C8orf34: variants seen among roughly 807,000 people sequenced by gnomAD.
C8orf34 encodes uncharacterized protein C8orf34.
C8orf34 carries 65 observed loss-of-function variants against 68.3 expected under a neutral mutation model. That is an observed-to-expected ratio of 0.95 (90% confidence interval 0.78 to 1.17). The LOEUF (loss-of-function observed/expected upper bound fraction) is 1.17, where lower values mean the gene tolerates loss of function less well. C8orf34 is among the 50% of genes most tolerant of loss of function. C8orf34 has a pLI of 0.00. For missense variants in C8orf34, 664 were observed against 655.4 expected, an observed-to-expected ratio of 1.01 and a Z score of -0.14; for synonymous variants, 244 against 241.2, an observed-to-expected ratio of 1.01 and a Z score of -0.11.
intron 12 of C8orf34, among the ~76,000 whole-genome samples, chr8:68,810,194 A>T (rs1242845566): frequency 6.6e-6 from 1 of 152,148 alleles, no homozygotes; most frequent in African/African-American, 2.4e-5. Flanking sequence ...TGCCAAGGGC[A>T]AGCCAGGCAC....
chr8:68,482,313 A>G (rs949093640), intron 4 of C8orf34, among the ~76,000 whole-genome samples: 2 of 152,166 alleles, frequency 1.3e-5, no homozygotes, highest in African/African-American at 4.8e-5. Context: ...AGTTTCAGGT[A>G]TGTCTTTATC....
chr8:68,594,575 T>C (rs1241704484), intron 7 of C8orf34, among the ~76,000 whole-genome samples: 1 of 152,074 alleles, frequency 6.6e-6, no homozygotes, highest in East Asian at 1.9e-4. Context: ...CAATAGGTAG[T>C]TTTTCAACCC....
At chr8:68,785,467 CGTACTCCTATGG>C (rs1181628820) in intron 11 of C8orf34, among the ~76,000 whole-genome samples, 1 of 152,090 alleles carries the variant, frequency 6.6e-6, no homozygotes, top group African/African-American at 2.4e-5. Context: ...ATTGTTAACC[CGTACTCCTATGG>C]AAAGCAAGTT....
intron 5 of C8orf34, among the ~76,000 whole-genome samples, chr8:68,494,878 A>C (rs1324998388): frequency 6.6e-6 from 1 of 151,068 alleles, no homozygotes; most frequent in Middle Eastern, 3.2e-3. Flanking sequence ...TATTATATAT[A>C]TCTCAAAAAA....
At chr8:68,462,536 T>A (rs1339005510) in intron 3 of C8orf34, among the ~76,000 whole-genome samples, 1 of 151,640 alleles carries the variant, frequency 6.6e-6, no homozygotes, top group Non-Finnish European at 1.5e-5. Flanking sequence ...ACCACATAGT[T>A]GGAAGTAAAG....
intron 7 of C8orf34, among the ~76,000 whole-genome samples, chr8:68,611,639 T>C (rs911325161): frequency 2.0e-5 from 3 of 152,196 alleles, no homozygotes; most frequent in Non-Finnish European, 4.4e-5. Context: ...TCAAGTTTTA[T>C]AAGCTTTTAT....
At chr8:68,580,306 G>A (rs1018924881) in intron 7 of C8orf34, among the ~76,000 whole-genome samples, 1 of 152,072 alleles carries the variant, frequency 6.6e-6, no homozygotes, top group Non-Finnish European at 1.5e-5. Context: ...AGGGGCAGGG[G>A]TGAAGGAGAT....
At chr8:68,379,988 G>A (rs1807963342) in intron 1 of C8orf34, among the ~76,000 whole-genome samples, 1 of 152,144 alleles carries the variant, frequency 6.6e-6, no homozygotes, top group South Asian at 2.1e-4. Context: ...AAGTAGCTGG[G>A]ACTACAGGAG....
chr8:68,604,716 G>A (rs1188903035), intron 7 of C8orf34, among the ~76,000 whole-genome samples: 1 of 151,798 alleles, frequency 6.6e-6, no homozygotes, highest in Admixed American at 6.6e-5. Context: ...ATTCAAAATG[G>A]GTCAGAGACC....
chr8:68,519,937 GT>G, intron 5 of C8orf34, among the ~76,000 whole-genome samples: 1 of 152,160 alleles, frequency 6.6e-6, no homozygotes, highest in Non-Finnish European at 1.5e-5. Flanking sequence ...TGTCTTCACA[GT>G]CATCTGCTTT....
intron 1 of C8orf34, among the ~76,000 whole-genome samples, chr8:68,388,025 T>G (rs1241230180): frequency 6.6e-6 from 1 of 152,144 alleles, no homozygotes; most frequent in Non-Finnish European, 1.5e-5. Context: ...TGTGTTACAG[T>G]GGTTCTTGAT....
At chr8:68,807,252 A>G (rs1257547945) in intron 12 of C8orf34, among the ~76,000 whole-genome samples, 1 of 152,204 alleles carries the variant, frequency 6.6e-6, no homozygotes, top group East Asian at 1.9e-4. Flanking sequence ...CACTTGGGAA[A>G]ACAAAAGAAT....
intron 12 of C8orf34, among the ~76,000 whole-genome samples, chr8:68,812,399 T>G (rs1824678601): frequency 6.6e-6 from 1 of 152,208 alleles, no homozygotes; most frequent in Admixed American, 6.5e-5. Flanking sequence ...ATCTCAAAAC[T>G]GTATATCGTC....
chr8:68,464,381 A>G (rs1012888458), intron 3 of C8orf34, among the ~76,000 whole-genome samples: 1 of 152,134 alleles, frequency 6.6e-6, no homozygotes, highest in South Asian at 2.1e-4. Flanking sequence ...TGCCCAAGGT[A>G]ATTTATAGAT....
intron 7 of C8orf34, among the ~76,000 whole-genome samples, chr8:68,546,726 T>C (rs1206930213): frequency 6.6e-6 from 1 of 151,854 alleles, no homozygotes. Context: ...ATAGTCCATA[T>C]ACAGGGTCAA....
intron 7 of C8orf34, among the ~76,000 whole-genome samples, chr8:68,621,811 G>A (rs1475533967): frequency 2.6e-5 from 4 of 152,060 alleles, no homozygotes; most frequent in Admixed American, 1.3e-4. Context: ...AGTAATTTGG[G>A]GAAAAGAAAA....
intron 5 of C8orf34, among the ~76,000 whole-genome samples, chr8:68,509,822 A>T: frequency 6.6e-6 from 1 of 151,936 alleles, no homozygotes; most frequent in East Asian, 1.9e-4. Flanking sequence ...AATCCTGGAG[A>T]CCATGGCAGA....
intron 1 of C8orf34, among the ~76,000 whole-genome samples, chr8:68,416,739 C>G (rs1174121672): frequency 6.6e-6 from 1 of 151,898 alleles, no homozygotes; most frequent in Non-Finnish European, 1.5e-5. Context: ...CCATGTTGGC[C>G]AGGCTTGTCT....
At chr8:68,437,901 C>T (rs1197386183) in intron 1 of C8orf34, 1 of 152,038 alleles carries the variant, frequency 6.6e-6, no homozygotes, top group African/African-American at 2.4e-5. Flanking sequence ...CTGCAAAATC[C>T]ATTTATCCTC....
Sources: allele counts gnomAD v4.1 joint callset (sites outside exome capture counted in the v4.1 genomes callset), GRCh38; gene constraint gnomAD v4.1.1; transcripts MANE v1.5; gene names NCBI Gene and HGNC (gene_info 2026-07-23, HGNC 2026-07-21).